The following ASPH variants were observed in gnomAD, a reference collection of about 807,000 sequenced individuals.
ASPH encodes the protein aspartyl/asparaginyl beta-hydroxylase.
In ASPH, 100 loss-of-function variants were observed where a neutral mutation model predicts 118.4. The ratio of observed to expected loss-of-function variants is 0.84; its 90% CI spans 0.72 to 1.00. The LOEUF (loss-of-function observed/expected upper bound fraction) is 1.00. Among genes scored for constraint, ASPH ranks in the 50% least tolerant of loss-of-function variants. The pLI is 0.00. For missense variants in ASPH, 920 were observed against 919.5 expected, an observed-to-expected ratio of 1.00 and a Z score of -0.01; for synonymous variants, 315 against 325.6, an observed-to-expected ratio of 0.97 and a Z score of 0.35.
chr8:61,675,903 C>T (rs1305731728), intron 3 of ASPH: 3 of 1,408,808 alleles, frequency 2.1e-6, no homozygotes, highest in East Asian at 2.5e-5. Context: ...GGGAGCTGAG[C>T]GAGCAAGGGA....
rs570125311 is a variant in ASPH at position 61,668,913 on chromosome 8, T to A, written c.322+12055A>T. 1.6e-4 allele frequency among the ~76,000 whole-genome samples: 25 copies of A among 152,314 alleles called. No homozygotes were observed. In the South Asian group the frequency reaches 5.2e-3, roughly 32 times the overall value. ...ATTTATTTTTGAGTCTCTAACAATA[T>A]ACCTCTAACTCTTATTCCAACCAGG... is the stretch of plus-strand genomic sequence containing the variant. On this transcript the variant is annotated intron_variant, in intron 3 of 24. Coordinates refer to ENST00000379454, the MANE Select transcript of ASPH (RefSeq NM_004318.4).
chr8:61,568,312 G>C (rs915167679), intron 16 of ASPH, among the ~76,000 whole-genome samples: 1 of 152,134 alleles, frequency 6.6e-6, no homozygotes, highest in African/African-American at 2.4e-5. Context: ...CAAGTGGTCA[G>C]ATTATAGATA....
intron 21 of ASPH, among the ~76,000 whole-genome samples, chr8:61,547,462 C>T (rs1426728266): frequency 6.6e-6 from 1 of 152,152 alleles, no homozygotes; most frequent in African/African-American, 2.4e-5. Flanking sequence ...CTTAATAATA[C>T]AAAGATATTA....
chr8:61,569,128 G>C (rs998737163), intron 16 of ASPH, among the ~76,000 whole-genome samples: 2 of 152,166 alleles, frequency 1.3e-5, no homozygotes, highest in Admixed American at 1.3e-4. Context: ...GAGGATGGCT[G>C]TTAGCAAAGT....
At chr8:61,521,204 T>C (rs773263828) in intron 22 of ASPH, among the ~76,000 whole-genome samples, 7 of 152,194 alleles carry the variant, frequency 4.6e-5, no homozygotes, top group Non-Finnish European at 8.8e-5. Flanking sequence ...AGGGGTCACA[T>C]AGCGAACAGC....
intron 3 of ASPH, among the ~76,000 whole-genome samples, chr8:61,671,437 T>C (rs962078731): frequency 6.6e-6 from 1 of 152,180 alleles, no homozygotes; most frequent in Non-Finnish European, 1.5e-5. Context: ...GAAAATTCTA[T>C]CAATTCGAGC....
chr8:61,537,067 C>T (rs767719593), intron 21 of ASPH, among the ~76,000 whole-genome samples: 1 of 152,166 alleles, frequency 6.6e-6, no homozygotes, highest in African/African-American at 2.4e-5. Flanking sequence ...GTTGCCAGGA[C>T]AAACAACCAG....
intron 14 of ASPH, among the ~76,000 whole-genome samples, chr8:61,603,158 A>G (rs892118322): frequency 1.5e-5 from 2 of 132,606 alleles, no homozygotes; most frequent in Admixed American, 9.1e-5. Context: ...GCACCACTGC[A>G]CTCCAGCCTG....
At chr8:61,682,414 T>C in intron 2 of ASPH, 3 of 1,608,306 alleles carry the variant, frequency 1.9e-6, no homozygotes, top group Middle Eastern at 1.7e-4. Context: ...ACACGTAGAC[T>C]TGAAATGCAA....
intron 1 of ASPH, among the ~76,000 whole-genome samples, chr8:61,697,582 A>G (rs2350924): frequency 0.84 from 128,285 of 152,106 alleles, 54,309 homozygotes; most frequent in African/African-American, 0.9. Flanking sequence ...TATAAATCGG[A>G]GTTCCCAACA....
At chr8:61,603,191 C>CAAAAA (rs11336705) in intron 14 of ASPH, among the ~76,000 whole-genome samples, 3 of 61,346 alleles carry the variant, frequency 4.9e-5, no homozygotes, top group African/African-American at 1.8e-4. Flanking sequence ...AGACTTGTCT[C>CAAAAA]AAAAAAAAAA....
chr8:61,655,419 T>G (rs1411568982), intron 3 of ASPH, among the ~76,000 whole-genome samples: 1 of 152,160 alleles, frequency 6.6e-6, no homozygotes, highest in East Asian at 1.9e-4. Context: ...ATTATTTCAC[T>G]CTCAAAACTA....
At position 61,502,503 on chromosome 8, in the gene ASPH, A is replaced by C. The variant is rs1277269044; in HGVS notation, c.*856T>G. The C allele has an allele frequency of 6.6e-6, 1 of 152,196 alleles. No homozygotes were observed. Among genetic ancestry groups the C allele is most frequent in the Non-Finnish European group, 1.5e-5 (1 of 68,042 alleles). The allele number at this position is 152,196 out of a possible 1,614,324, so 9.4% of individuals were successfully genotyped here. On this transcript the variant is annotated 3_prime_UTR_variant, in exon 25 of 25. Transcript: ENST00000379454. ...GCAGCCACCTATCCACCCAACCCTGAAAGAACATAGTTTTATTTCCGTGAA... is the reference window on the plus strand; with the variant it reads ...GCAGCCACCTATCCACCCAACCCTGCAAGAACATAGTTTTATTTCCGTGAA...
chr8:61,665,925 A>T (rs1378324569), intron 3 of ASPH, among the ~76,000 whole-genome samples: 1 of 152,168 alleles, frequency 6.6e-6, no homozygotes, highest in African/African-American at 2.4e-5. Context: ...CAAAGTATTA[A>T]CTCACACTTT....
intron 22 of ASPH, among the ~76,000 whole-genome samples, chr8:61,520,635 C>A (rs1304505315): frequency 6.6e-6 from 1 of 152,170 alleles, no homozygotes; most frequent in African/African-American, 2.4e-5. Context: ...ATTACATAAA[C>A]CTACGAGTCA....
At chr8:61,550,620 G>A (rs535521550) in intron 20 of ASPH, among the ~76,000 whole-genome samples, 1 of 152,342 alleles carries the variant, frequency 6.6e-6, no homozygotes, top group East Asian at 1.9e-4. Flanking sequence ...ACTGTCCAGT[G>A]AGGCCTGAGA....
At chr8:61,549,067 C>G (rs1329956728) in intron 20 of ASPH, among the ~76,000 whole-genome samples, 1 of 152,106 alleles carries the variant, frequency 6.6e-6, no homozygotes, top group Non-Finnish European at 1.5e-5. Flanking sequence ...TAATATTATC[C>G]CCTCCACTAC....
At position 61,643,388 on chromosome 8, in the gene ASPH, G is replaced by A. The variant is rs150141171; in HGVS notation, c.755C>T (p.Thr252Ile). The change falls in exon 9 of 25, where the codon ACA becomes ATA. Residue 252 changes from threonine (T) to isoleucine (I), a missense_variant and splice_region_variant. Thr to Ile is a moderately conservative substitution (Grantham distance 89). Coordinates refer to ENST00000379454, the MANE Select transcript of ASPH (RefSeq NM_004318.4). ...TAATGAAAATGCTCATCTAATACCT[G>A]TATCATGGTGCAATCTTTCATCTTC... is the stretch of plus-strand genomic sequence containing the variant. ...VVEDERLHHD[T>I]DDVTYQVYEE... 3 of 1,605,582 alleles carry A rather than the reference G, an allele frequency of 1.9e-6. No individual in the cohort carries two copies. The highest frequency in any genetic ancestry group is 2.2e-5 in the South Asian group (2 of 90,820).
chr8:61,670,492 A>G (rs1563500290), intron 3 of ASPH, among the ~76,000 whole-genome samples: 1 of 152,116 alleles, frequency 6.6e-6, no homozygotes, highest in Non-Finnish European at 1.5e-5. Flanking sequence ...AGGAAAGGTG[A>G]CCAAAAATCT....
Sources: gnomAD v4.1 joint callset for allele counts (sites outside exome capture counted in the v4.1 genomes callset) on GRCh38, gnomAD v4.1.1 for gene constraint, MANE v1.5 for transcripts, NCBI Gene and HGNC (gene_info 2026-07-23, HGNC 2026-07-21) for gene names.